Variants in IL15RA observed in about 807,000 individuals in gnomAD.
The protein encoded by IL15RA is interleukin-15 receptor subunit alpha.
In IL15RA, 26 loss-of-function variants were observed where a neutral mutation model predicts 24.2. The ratio of observed to expected loss-of-function variants is 1.07; its 90% CI spans 0.79 to 1.49. The LOEUF is 1.49. Among genes scored for constraint, IL15RA ranks in the 40% most tolerant of loss-of-function variants. The probability of loss-of-function intolerance (pLI) is 0.00; values close to 1 mark genes in which losing one functional copy is unlikely to be tolerated. For missense variants in IL15RA, 354 were observed against 356.4 expected (o/e 0.99, Z 0.05); for synonymous variants, 166 against 157.6 (o/e 1.05, Z -0.40).
Position 5,968,731 on chromosome 10 carries a change from A to C in IL15RA, c.89-2392T>G. 1.4e-6 allele frequency: 1 copy of C among 701,526 alleles called. No individual in the cohort carries two copies. The allele number at this position is 701,526 out of a possible 1,614,324, so 43.5% of individuals were successfully genotyped here. On this transcript the variant is annotated intron_variant, in intron 1 of 6. Coordinates refer to ENST00000379977, the MANE Select transcript of IL15RA (RefSeq NM_002189.4). The surrounding 1 kb of genome is among the most constrained non-coding windows in gnomAD (Gnocchi z 5.4). ...AAACCACAGAGTGTTATTTCTCCAC[A>C]CTTGCCCACCCCATCCTGCCCTCCA...
Position 5,960,299 on chromosome 10 carries a change from G to T in IL15RA, c.583+68C>A. The stretch of plus-strand genomic sequence containing the variant: ...GATGGTATAAAGCTGCCTTGTGCCG[G>T]ATCTCAGCCCCGATCTCAGAAGCAG... On this transcript the variant is annotated intron_variant, in intron 4 of 6. Coordinates refer to ENST00000379977, the MANE Select transcript of IL15RA (RefSeq NM_002189.4). This position sits in a 1 kb window ranked among gnomAD's most constrained non-coding sequence, Gnocchi z 5.1. 7.2e-7 allele frequency: 1 copy of T among 1,397,836 alleles called. No individual in the cohort carries two copies. Among genetic ancestry groups the T allele is most frequent in the Non-Finnish European group, 1.0e-6 (1 of 985,486 alleles). 86.6% of individuals were successfully genotyped at this position (1,397,836 alleles called of 1,614,324 possible).
intron 5 of IL15RA, among the ~76,000 whole-genome samples, chr10:5,957,559 C>A (rs549776676): frequency 6.6e-6 from 1 of 151,680 alleles, no homozygotes; most frequent in South Asian, 2.1e-4. Flanking sequence ...CAGGCGTGAA[C>A]CACCACGCCT....
rs1303762207 is a variant in IL15RA at position 5,961,449 on chromosome 10, C to G, written c.383-882G>C. On this transcript the variant is annotated intron_variant, in intron 3 of 6. Transcript: ENST00000379977. This position sits in a 1 kb window ranked among gnomAD's most constrained non-coding sequence, Gnocchi z 5.2. ...GAAGAAAAGAAAAGGTGTCAAAGAT[C>G]TGAGTCGTTCAGCTTGTTTACTAGA... Among the ~76,000 whole-genome samples the G allele has an allele frequency of 6.6e-6, 1 of 151,892 alleles. No homozygotes were observed. Among genetic ancestry groups the G allele is most frequent in the Non-Finnish European group, 1.5e-5 (1 of 67,972 alleles).
Position 5,968,676 on chromosome 10 carries a change from C to T in IL15RA, c.89-2337G>A, listed in dbSNP as rs1250960880. ...GGCTTTTTCTCCATGTTCTGCTCCA[C>T]ACTGATCTTCTGTCCTTCTCTACCT... On this transcript the variant is annotated intron_variant, in intron 1 of 6. Transcript: ENST00000379977. This position sits in a 1 kb window ranked among gnomAD's most constrained non-coding sequence, Gnocchi z 5.4. The T allele has an allele frequency of 3.0e-6, 2 of 677,278 alleles. No individual in the cohort carries two copies. Among genetic ancestry groups the T allele is most frequent in the East Asian group, 5.4e-5 (2 of 36,984 alleles). 42.0% of individuals were successfully genotyped at this position (677,278 alleles called of 1,614,324 possible). A position where few individuals can be genotyped will look rare whatever the true frequency, so the allele number is the denominator to read the frequency against.
rs1311199799 is a variant in IL15RA, at chr10:5,975,177, C to T, written c.88+2228G>A. Among the ~76,000 whole-genome samples, 2 of 151,364 alleles carry T rather than the reference C, an allele frequency of 1.3e-5. No individual in the cohort carries two copies. Among genetic ancestry groups the T allele is most frequent in the Non-Finnish European group, 2.9e-5 (2 of 68,028 alleles). On this transcript the variant is annotated intron_variant, in intron 1 of 6. Coordinates refer to ENST00000379977, the MANE Select transcript of IL15RA (RefSeq NM_002189.4). This position sits in a 1 kb window ranked among gnomAD's most constrained non-coding sequence, Gnocchi z 4.8. ...TGTAATAGTCCCAAACTGGAAACAA[C>T]CCAAATGTCCCTTAACAAGTGAATG... is the stretch of plus-strand genomic sequence containing the variant.
At position 5,965,658 on chromosome 10, in the gene IL15RA, A is replaced by AC. The variant is rs1313373058; in HGVS notation, c.283+486dup. On this transcript the variant is annotated intron_variant, in intron 2 of 6. Transcript: ENST00000379977. This position sits in a 1 kb window ranked among gnomAD's most constrained non-coding sequence, Gnocchi z 5.8. ...CAGGATTTAAACCCAGAATCCTGTG[A>AC]CCCCAGCACCTGTGTGTTTCCAACG... Among the ~76,000 whole-genome samples the AC allele has an allele frequency of 7.2e-5, 11 of 152,338 alleles. No homozygotes were observed. Among genetic ancestry groups the AC allele is most frequent in the Admixed American group, 7.2e-4 (11 of 15,302 alleles).
intron 6 of IL15RA, among the ~76,000 whole-genome samples, chr10:5,954,326 C>A (rs1016429665): frequency 6.6e-6 from 1 of 152,054 alleles, no homozygotes; most frequent in Non-Finnish European, 1.5e-5. Context: ...GTTGGCCAGG[C>A]TGGTCACAAA....
In IL15RA at chr10:5,953,395, A is replaced by G; in HGVS notation, c.693-189T>C. 2 of 711,200 alleles carry G rather than the reference A, an allele frequency of 2.8e-6. No individual in the cohort carries two copies. The highest frequency in any genetic ancestry group is 5.2e-6 in the Non-Finnish European group (2 of 385,104). 44.1% of individuals were successfully genotyped at this position (711,200 alleles called of 1,614,324 possible). A position where few individuals can be genotyped will look rare whatever the true frequency, so the allele number is the denominator to read the frequency against. On this transcript the variant is annotated intron_variant, in intron 6 of 6. Coordinates refer to ENST00000379977, the MANE Select transcript of IL15RA (RefSeq NM_002189.4). This position sits in a 1 kb window ranked among gnomAD's most constrained non-coding sequence, Gnocchi z 5.3. The stretch of plus-strand genomic sequence containing the variant: ...GAGAGAACCTAGAATGCCTACCTCT[A>G]CCGAGTGTATTAAATCCTATCTAGG...
At chr10:5,952,247 G>T (rs1182578498), downstream of IL15RA, 2 of 152,256 alleles carry the variant, frequency 1.3e-5, no homozygotes, top group African/African-American at 4.8e-5. Flanking sequence ...TGTGACCGGA[G>T]CCAGCTTTAG....
rs1414626718 is a variant in IL15RA, at chr10:5,955,434, G to T, written c.692+945C>A. Among the ~76,000 whole-genome samples, 1 of 152,078 alleles carries T rather than the reference G, an allele frequency of 6.6e-6. No homozygotes were observed. Among genetic ancestry groups the T allele is most frequent in the African/African-American group, 2.4e-5 (1 of 41,406 alleles). ...AATTTTTATATTGATATCACATTTA[G>T]AAAAGAATGTTTTATAACTATTAAT... On this transcript the variant is annotated intron_variant, in intron 6 of 6. Coordinates refer to ENST00000379977, the MANE Select transcript of IL15RA (RefSeq NM_002189.4). This position sits in a 1 kb window ranked among gnomAD's most constrained non-coding sequence, Gnocchi z 5.3.
downstream of IL15RA, among the ~76,000 whole-genome samples, chr10:5,949,528 G>GTT (rs1833729309): frequency 6.6e-6 from 1 of 152,112 alleles, no homozygotes; most frequent in South Asian, 2.1e-4. This position sits in a 1 kb window ranked among gnomAD's most constrained non-coding sequence, Gnocchi z 4.4. Context: ...AGTACTCGGG[G>GTT]AGTCCGCTCT....
chr10:5,959,602 A>T lies in IL15RA; in HGVS notation c.616+152T>A. The T allele has an allele frequency of 1.5e-6, 1 of 684,258 alleles. No homozygotes were observed. Among genetic ancestry groups the T allele is most frequent in the Admixed American group, 2.3e-5 (1 of 43,030 alleles). The allele number at this position is 684,258 out of a possible 1,614,324, so 42.4% of individuals were successfully genotyped here. The stretch of plus-strand genomic sequence containing the variant: ...CAGAGAATTCCATAAATCAGCTATT[A>T]CTTAACTTATTATCTGATGGAGGCC... On this transcript the variant is annotated intron_variant, in intron 5 of 6. Transcript: ENST00000379977. The surrounding 1 kb of genome is among the most constrained non-coding windows in gnomAD (Gnocchi z 4.1).
rs1836733326 is a variant in IL15RA, at chr10:5,967,248, A to G, written c.89-909T>C. On this transcript the variant is annotated intron_variant, in intron 1 of 6. Transcript: ENST00000379977. The surrounding 1 kb of genome is among the most constrained non-coding windows in gnomAD (Gnocchi z 4.4). ...TGAGACGGAGTTTCACTCTGTCACC[A>G]GGCTGGAGTGCAGTGGCACGATCTT... 6.6e-6 allele frequency among the ~76,000 whole-genome samples: 1 copy of G among 152,094 alleles called. No individual in the cohort carries two copies. The highest frequency in any genetic ancestry group is 2.4e-5 in the African/African-American group (1 of 41,414).
intron 1 of IL15RA, among the ~76,000 whole-genome samples, chr10:5,972,670 T>C (rs898411352): frequency 1.3e-5 from 2 of 152,206 alleles, no homozygotes; most frequent in African/African-American, 2.4e-5. Flanking sequence ...ACACATGACA[T>C]CTTCCCCATT....
At position 5,965,087 on chromosome 10, in the gene IL15RA, G is replaced by A. The variant is rs1223934171; in HGVS notation, c.283+1058C>T. Among the ~76,000 whole-genome samples the A allele has an allele frequency of 2.0e-5, 3 of 152,296 alleles. No homozygotes were observed. The highest frequency in any genetic ancestry group is 3.9e-4 in the East Asian group (2 of 5,178). On this transcript the variant is annotated intron_variant, in intron 2 of 6. Transcript: ENST00000379977. This position sits in a 1 kb window ranked among gnomAD's most constrained non-coding sequence, Gnocchi z 5.8. ...ATGGGGCCGCTCCATGCAGGGGCGC[G>A]CTCATCCCTGCCCCAGAGATGAACT...
rs995890446 is a variant in IL15RA at position 5,961,676 on chromosome 10, TGTCCTTCCCTGGAAG to T, written c.383-1124_383-1110del. Among the ~76,000 whole-genome samples the T allele has an allele frequency of 6.6e-6, 1 of 152,250 alleles. No homozygotes were observed. The highest frequency in any genetic ancestry group is 2.4e-5 in the African/African-American group (1 of 41,462). ...TGTTCAGCGTCTTCCCTGTCTTCCTTGTCCTTCCCTGGAAGGTGGCTGCCCCTGCACTGTAAGGGT... is the reference window on the plus strand; with the variant it reads ...TGTTCAGCGTCTTCCCTGTCTTCCTTGTGGCTGCCCCTGCACTGTAAGGGT... On this transcript the variant is annotated intron_variant, in intron 3 of 6. Transcript: ENST00000379977. The surrounding 1 kb of genome is among the most constrained non-coding windows in gnomAD (Gnocchi z 5.2).
At position 5,963,778 on chromosome 10, in the gene IL15RA, G is replaced by A. The variant is rs766571757; in HGVS notation, c.347C>T (p.Thr116Ile). The change falls in exon 3 of 7, where the codon ACC becomes ATC. Residue 116 changes from threonine to isoleucine, a missense_variant. Coordinates refer to ENST00000379977, the MANE Select transcript of IL15RA (RefSeq NM_002189.4). The surrounding 1 kb of genome is among the most constrained non-coding windows in gnomAD (Gnocchi z 5.3). The stretch of plus-strand genomic sequence containing the variant: ...AGGGGAGAGGCTCTCTGGCTGTGGG[G>A]TCACCCCTGCCGTCGTTACTGTGGA... ...PPSTVTTAGV[T>I]PQPESLSPSG... 5 of 1,526,844 alleles carry A rather than the reference G, an allele frequency of 3.3e-6. No individual in the cohort carries two copies. In the Admixed American group the frequency reaches 1.3e-4, roughly 40 times the overall value. 94.6% of individuals were successfully genotyped at this position (1,526,844 alleles called of 1,614,324 possible).
At position 5,965,222 on chromosome 10, in the gene IL15RA, A is replaced by G. The variant is rs1836309477; in HGVS notation, c.283+923T>C. 6.1e-5 allele frequency among the ~76,000 whole-genome samples: 2 copies of G among 32,974 alleles called. No homozygotes were observed. Among genetic ancestry groups the G allele is most frequent in the South Asian group, 1.7e-3 (1 of 594 alleles). The allele number at this position is 32,974 out of a possible 152,430, so 21.6% of individuals were successfully genotyped here. On this transcript the variant is annotated intron_variant, in intron 2 of 6. Transcript: ENST00000379977. This position sits in a 1 kb window ranked among gnomAD's most constrained non-coding sequence, Gnocchi z 5.8. The stretch of plus-strand genomic sequence containing the variant: ...TTCTGGGACGTTTATCCAGGTGCAG[A>G]CAGTTAAAAAAAAAAGTTGATTCTT...
At chr10:5,977,030 A>G in intron 1 of IL15RA, 1 of 184,998 alleles carries the variant, frequency 5.4e-6, no homozygotes, top group African/African-American at 2.3e-5. Context: ...CCTGCAGTCC[A>G]GGCGCCTGGG....
Sources: gnomAD v4.1 joint callset for allele counts (sites outside exome capture counted in the v4.1 genomes callset) on GRCh38, gnomAD v4.1.1 for gene constraint, Gnocchi (gnomAD v3.1) non-coding constraint, MANE v1.5 for transcripts, NCBI Gene and HGNC (gene_info 2026-07-23, HGNC 2026-07-21) for gene names.